The following POFUT3 variants were observed in gnomAD, a reference collection of about 807,000 sequenced individuals.
The protein encoded by POFUT3 is GDP-fucose protein O-fucosyltransferase 3.
chr8:33,355,232 A>G, the POFUT3 span, among the ~76,000 whole-genome samples: 1 of 152,238 alleles, frequency 6.6e-6, no homozygotes, highest in Non-Finnish European at 1.5e-5. Flanking sequence ...TCAATATTAT[A>G]TCTTCCTTCC....
At chr8:33,458,706 T>A in the POFUT3 span, among the ~76,000 whole-genome samples, 1 of 151,516 alleles carries the variant, frequency 6.6e-6, no homozygotes, top group African/African-American at 2.4e-5. Context: ...AGAGCAAGAC[T>A]CCGTCTCAAA....
the POFUT3 span, among the ~76,000 whole-genome samples, chr8:33,318,720 G>T: frequency 0.23 from 9,905 of 43,516 alleles, 876 homozygotes; most frequent in East Asian, 0.63. Flanking sequence ...TAAATATATT[G>T]TATATATATT....
At chr8:33,399,067 G>C in the POFUT3 span, among the ~76,000 whole-genome samples, 1 of 151,984 alleles carries the variant, frequency 6.6e-6, no homozygotes, top group African/African-American at 2.4e-5. Flanking sequence ...TATCTTATTT[G>C]CATTGTAGTT....
the POFUT3 span, among the ~76,000 whole-genome samples, chr8:33,467,486 G>C: frequency 1.3e-5 from 2 of 151,942 alleles, no homozygotes; most frequent in African/African-American, 2.4e-5. Context: ...ACTCCTTCCT[G>C]GGACAGAACA....
chr8:33,325,409 G>C, the POFUT3 span, among the ~76,000 whole-genome samples: 3 of 152,148 alleles, frequency 2.0e-5, no homozygotes, highest in African/African-American at 7.2e-5. Context: ...TTGTCCTGAA[G>C]TTAACTGAGC....
At chr8:33,379,742 A>G in the POFUT3 span, among the ~76,000 whole-genome samples, 1 of 149,760 alleles carries the variant, frequency 6.7e-6, no homozygotes, top group South Asian at 2.1e-4. Flanking sequence ...ATGCTGAGGC[A>G]GGATAATTGC....
At chr8:33,453,961 A>G in the POFUT3 span, among the ~76,000 whole-genome samples, 1 of 152,084 alleles carries the variant, frequency 6.6e-6, no homozygotes, top group African/African-American at 2.4e-5. Flanking sequence ...TGTCAAAAAA[A>G]AGAAAAGAAA....
chr8:33,309,377 T>TGTGTGTGTGTG, the POFUT3 span, among the ~76,000 whole-genome samples: 5,145 of 146,114 alleles, frequency 0.035, 158 homozygotes, highest in East Asian at 0.081. Flanking sequence ...GTGTGTGTGT[T>TGTGTGTGTGTG]TTTCTCCCCT....
chr8:33,310,021 A>G, the POFUT3 span, among the ~76,000 whole-genome samples: 12 of 152,308 alleles, frequency 7.9e-5, no homozygotes, highest in Middle Eastern at 6.8e-3. Flanking sequence ...TGAGTAGATT[A>G]AAAATAGGAA....
At chr8:33,447,371 C>T in the POFUT3 span, among the ~76,000 whole-genome samples, 6 of 151,958 alleles carry the variant, frequency 3.9e-5, no homozygotes, top group African/African-American at 1.5e-4. Flanking sequence ...ATGGTGTGAA[C>T]TTGGGAGGCG....
At chr8:33,319,911 A>C in the POFUT3 span, among the ~76,000 whole-genome samples, 3 of 148,854 alleles carry the variant, frequency 2.0e-5, no homozygotes, top group Non-Finnish European at 3.0e-5. Flanking sequence ...GTTACTGATC[A>C]GCTCTTGGCA....
chr8:33,313,654 T>C, the POFUT3 span, among the ~76,000 whole-genome samples: 1 of 152,120 alleles, frequency 6.6e-6, no homozygotes, highest in Admixed American at 6.6e-5. Flanking sequence ...AACCATCACC[T>C]CTGACATTCC....
chr8:33,426,932 A>G, the POFUT3 span, among the ~76,000 whole-genome samples: 2 of 152,176 alleles, frequency 1.3e-5, no homozygotes, highest in South Asian at 2.1e-4. Context: ...TAGCCACAAA[A>G]TTTATGTGTG....
chr8:33,363,203 G>A, the POFUT3 span, among the ~76,000 whole-genome samples: 1 of 152,182 alleles, frequency 6.6e-6, no homozygotes, highest in Admixed American at 6.5e-5. Context: ...GAGACATAAA[G>A]ATGTTCTTGG....
chr8:33,429,770 C>A, the POFUT3 span, among the ~76,000 whole-genome samples: 1 of 151,916 alleles, frequency 6.6e-6, no homozygotes, highest in Admixed American at 6.6e-5. Flanking sequence ...CCGAGATGGG[C>A]GGATCACTTG....
chr8:33,358,781 T>C, the POFUT3 span, among the ~76,000 whole-genome samples: 3 of 151,702 alleles, frequency 2.0e-5, no homozygotes, highest in Non-Finnish European at 2.9e-5. Flanking sequence ...AGCAGGAAGA[T>C]TGCCTGAGCT....
At chr8:33,471,169 A>T in the POFUT3 span, among the ~76,000 whole-genome samples, 2 of 152,240 alleles carry the variant, frequency 1.3e-5, no homozygotes, top group African/African-American at 4.8e-5. Flanking sequence ...TGGTAATTGA[A>T]TTAGATATTG....
At chr8:33,396,232 G>A in the POFUT3 span, among the ~76,000 whole-genome samples, 7 of 152,168 alleles carry the variant, frequency 4.6e-5, no homozygotes, top group African/African-American at 1.2e-4. Context: ...CTCTCCAGTC[G>A]AAGCGTAGCA....
the POFUT3 span, among the ~76,000 whole-genome samples, chr8:33,331,879 G>T: frequency 6.6e-6 from 1 of 151,562 alleles, no homozygotes; most frequent in Admixed American, 6.6e-5. Flanking sequence ...GGGTTTCACC[G>T]TGTTAGCCAG....
Sources: gnomAD v4.1 joint callset for allele counts (sites outside exome capture counted in the v4.1 genomes callset) on GRCh38, gnomAD v4.1.1 for gene constraint, MANE v1.5 for transcripts, NCBI Gene and HGNC (gene_info 2026-07-23, HGNC 2026-07-21) for gene names.